The following TIAM1 variants were observed in gnomAD, a reference collection of about 807,000 sequenced individuals.
TIAM1 encodes TIAM Rac1 associated GEF 1, also known as rho guanine nucleotide exchange factor TIAM1.
In TIAM1, 65 loss-of-function variants were observed where a neutral mutation model predicts 163.5. The observed-to-expected ratio is 0.40, with a 90% CI of 0.33 to 0.49. The LOEUF (loss-of-function observed/expected upper bound fraction) is 0.49, where lower values mean the gene tolerates loss of function less well. Ranked by LOEUF, TIAM1 falls within the 20% of genes least tolerant of loss-of-function variation. The probability of loss-of-function intolerance (pLI) is 0.77; values close to 1 mark genes in which losing one functional copy is unlikely to be tolerated. For missense variants in TIAM1, 1,789 were observed against 2,044.7 expected (o/e 0.87, Z 2.41); for synonymous variants, 833 against 810.1 (o/e 1.03, Z -0.48).
chr21:31,322,429 C>T (rs1170149374), intron 2 of TIAM1, among the ~76,000 whole-genome samples: 2 of 137,030 alleles, frequency 1.5e-5, no homozygotes, highest in African/African-American at 5.6e-5. Context: ...TCATGTCCTA[C>T]TCACGATACC....
rs766909447 is a variant in TIAM1 at position 31,217,719 on chromosome 21, G to A, written c.1996-20C>T. 2.8e-5 allele frequency: 45 copies of A among 1,610,960 alleles called. No individual in the cohort carries two copies. In the Middle Eastern group the frequency reaches 5.0e-4, roughly 18 times the overall value. On this transcript the variant is annotated intron_variant, in intron 8 of 27. Transcript: ENST00000541036. ...TGCCACCTGAGGATGGCAAGGACAA[G>A]CAGCCACAAGGGAGATGCATCAGGA...
At chr21:31,197,907 C>T (rs988393890) in intron 12 of TIAM1, among the ~76,000 whole-genome samples, 5 of 152,160 alleles carry the variant, frequency 3.3e-5, no homozygotes, top group Non-Finnish European at 7.4e-5. Flanking sequence ...CACTACACTA[C>T]GATGCCTCCC....
chr21:31,507,179 A>ATTT (rs572356384), intron 1 of TIAM1, among the ~76,000 whole-genome samples: 13 of 44,582 alleles, frequency 2.9e-4, no homozygotes, highest in African/African-American at 5.8e-4. Context: ...CACCTTTTTA[A>ATTT]TTTTTTTTTT....
chr21:31,494,640 G>A (rs975051989), intron 1 of TIAM1, among the ~76,000 whole-genome samples: 2 of 152,094 alleles, frequency 1.3e-5, no homozygotes, highest in Non-Finnish European at 2.9e-5. Flanking sequence ...GTCAAGAGAT[G>A]GAGACCATCC....
At chr21:31,213,363 T>C (rs1310581528) in intron 10 of TIAM1, 35 bp downstream of exon 10, 1 of 1,579,208 alleles carries the variant, frequency 6.3e-7, no homozygotes, top group South Asian at 1.2e-5. Flanking sequence ...GCACTTGTGG[T>C]ACTTTTAGAA....
intron 3 of TIAM1, among the ~76,000 whole-genome samples, chr21:31,267,829 G>C (rs1193481831): frequency 4.6e-5 from 7 of 152,144 alleles, no homozygotes; most frequent in African/African-American, 1.7e-4. Flanking sequence ...CATTAATCTG[G>C]TACAGCATGC....
At chr21:31,338,275 T>C (rs920073264) in intron 2 of TIAM1, among the ~76,000 whole-genome samples, 5 of 152,148 alleles carry the variant, frequency 3.3e-5, no homozygotes, top group African/African-American at 1.2e-4. Flanking sequence ...GTTACAGGAA[T>C]CATGCATTCC....
intron 2 of TIAM1, among the ~76,000 whole-genome samples, chr21:31,354,669 C>T (rs1218329497): frequency 6.6e-6 from 1 of 152,190 alleles, no homozygotes; most frequent in Non-Finnish European, 1.5e-5. Context: ...TGACAGGTGA[C>T]TCACAAGGAT....
intron 20 of TIAM1, among the ~76,000 whole-genome samples, chr21:31,145,800 A>G (rs942139230): frequency 2.6e-5 from 4 of 152,244 alleles, no homozygotes; most frequent in African/African-American, 9.6e-5. Flanking sequence ...GTCCTCACTT[A>G]ATGTAGTCAG....
chr21:31,551,976 T>TA (rs1271126010), intron 1 of TIAM1, among the ~76,000 whole-genome samples: 3 of 151,516 alleles, frequency 2.0e-5, no homozygotes, highest in Non-Finnish European at 2.9e-5. Flanking sequence ...AGAAGACTGT[T>TA]ACAATACTTT....
At chr21:31,393,130 A>AT (rs2076996810) in intron 2 of TIAM1, among the ~76,000 whole-genome samples, 1 of 151,788 alleles carries the variant, frequency 6.6e-6, no homozygotes, top group African/African-American at 2.4e-5. Flanking sequence ...TAATTTTTGT[A>AT]TTTTTAGTTA....
chr21:31,297,378 G>A (rs1344293903), intron 2 of TIAM1, among the ~76,000 whole-genome samples: 3 of 152,120 alleles, frequency 2.0e-5, no homozygotes, highest in Non-Finnish European at 4.4e-5. Flanking sequence ...GGATGGTGGT[G>A]ATGGCCACAT....
In TIAM1 at chr21:31,251,854, CG is replaced by C; in HGVS notation, c.1298del (p.Thr433ArgfsTer37). On this transcript the variant is annotated frameshift_variant, in exon 5 of 28. Transcript: ENST00000541036. LOFTEE classifies it high-confidence loss of function. ...CGGCCAGGGCGCCGGCCTTGCGCAC[CG>C]TGCCCTGTGCGGCGGTCAGCAGGAT... is the stretch of plus-strand genomic sequence containing the variant. ...SDILLTAAQG[T>X]VRKAGALAVK... 1.2e-6 allele frequency: 2 copies of C among 1,613,870 alleles called. No individual in the cohort carries two copies. Among genetic ancestry groups the C allele is most frequent in the Non-Finnish European group, 1.7e-6 (2 of 1,179,916 alleles).
At chr21:31,514,287 C>T (rs8134643) in intron 1 of TIAM1, among the ~76,000 whole-genome samples, 1 of 151,972 alleles carries the variant, frequency 6.6e-6, no homozygotes, top group East Asian at 1.9e-4. Flanking sequence ...CAACCAATCT[C>T]GTTTAATGAG....
At chr21:31,423,721 A>C (rs910628883) in intron 2 of TIAM1, among the ~76,000 whole-genome samples, 17 of 151,050 alleles carry the variant, frequency 1.1e-4, no homozygotes, top group African/African-American at 3.6e-4. Flanking sequence ...AAAAAAAAAA[A>C]AAAAAAAACC....
intron 2 of TIAM1, among the ~76,000 whole-genome samples, chr21:31,289,855 A>G (rs1226829655): frequency 6.6e-6 from 1 of 152,202 alleles, no homozygotes. Flanking sequence ...TATGACAGCA[A>G]CAGGCTTTAA....
intron 1 of TIAM1, among the ~76,000 whole-genome samples, chr21:31,343,689 A>G (rs919957596): frequency 3.9e-5 from 6 of 152,066 alleles, no homozygotes; most frequent in African/African-American, 1.4e-4. Flanking sequence ...CAAGCCTGTC[A>G]TGGGGTTCTT....
intron 12 of TIAM1, among the ~76,000 whole-genome samples, chr21:31,197,398 C>T (rs1236386075): frequency 2.7e-5 from 4 of 145,832 alleles, no homozygotes; most frequent in Admixed American, 6.8e-5. Context: ...TTTTTTGAGA[C>T]GGAGTCTCGC....
chr21:31,120,641 C>T lies in TIAM1; in HGVS notation c.4503G>A (p.Glu1501=). 3.7e-6 allele frequency: 6 copies of T among 1,614,124 alleles called. No homozygotes were observed. Among genetic ancestry groups the T allele is most frequent in the Non-Finnish European group, 5.1e-6 (6 of 1,180,028 alleles). ...AQYEEQDDIK[E]TDILSDDDEF... is the part of the protein sequence containing the mutation. ...CATCATCGTCACTGAGGATGTCTGT[C>T]TCCTTGATGTCATCTTGCTCCTCAT... The change falls in exon 28 of 28, where the codon GAG becomes GAA. Residue 1501 remains glutamate (E), a synonymous_variant. Transcript: ENST00000541036. This position sits in a 1 kb window ranked among gnomAD's most constrained non-coding sequence, Gnocchi z 4.2.
Sources: allele counts gnomAD v4.1 joint callset (sites outside exome capture counted in the v4.1 genomes callset), GRCh38; gene constraint gnomAD v4.1.1; non-coding constraint Gnocchi (gnomAD v3.1); transcripts MANE v1.5; gene names NCBI Gene and HGNC (gene_info 2026-07-23, HGNC 2026-07-21).